The following DEFB109B variants were observed in gnomAD, a reference collection of about 807,000 sequenced individuals.
The protein encoded by DEFB109B is beta-defensin 109B.
chr8:7,315,289 C>A (rs1585314493), intron 1 of DEFB109B, among the ~76,000 whole-genome samples: 1 of 128,816 alleles, frequency 7.8e-6, no homozygotes, highest in South Asian at 2.3e-4. Context: ...AGGCCGAGGC[C>A]GGCAGATCAC....
chr8:7,319,226 T>A, intron 1 of DEFB109B: 1 of 72,122 alleles, frequency 1.4e-5, no homozygotes, highest in Admixed American at 1.9e-4. Context: ...GGCAACACAG[T>A]GAAGCCAACA....
intron 1 of DEFB109B, among the ~76,000 whole-genome samples, chr8:7,317,598 T>TGG (rs1803039595): frequency 3.1e-5 from 3 of 96,728 alleles, no homozygotes; most frequent in Non-Finnish European, 6.2e-5. Context: ...TCTTTCATTC[T>TGG]AATCACACCT....
chr8:7,318,659 CA>C, intron 1 of DEFB109B: 1 of 129,194 alleles, frequency 7.7e-6, no homozygotes, highest in East Asian at 2.0e-4. Flanking sequence ...AGAGTGAGAC[CA>C]AAATGAAGGT....
At chr8:7,309,583 C>A (rs1347640172), upstream of DEFB109B, among the ~76,000 whole-genome samples, 9 of 147,872 alleles carry the variant, frequency 6.1e-5, no homozygotes, top group Non-Finnish European at 1.0e-4. Flanking sequence ...AGATATGACC[C>A]TGCAACAGAG....
rs576243717 is a variant in DEFB109B, at chr8:7,315,676, T to G, written n.58+2773T>G. Among the ~76,000 whole-genome samples the G allele has an allele frequency of 7.2e-4, 96 of 132,834 alleles. 9 individuals are homozygous for G. Among genetic ancestry groups the G allele is most frequent in the African/African-American group, 3.5e-3 (96 of 27,270 alleles). The allele number at this position is 132,834 out of a possible 152,430, so 87.1% of individuals were successfully genotyped here. A position where few individuals can be genotyped will look rare whatever the true frequency, so the allele number is the denominator to read the frequency against. ...TGCTTGAGGTTCACTTGTTTCCTTCTTATCTCCATCAAGGGCAGCTTCCTC... is the reference window on the plus strand; with the variant it reads ...TGCTTGAGGTTCACTTGTTTCCTTCGTATCTCCATCAAGGGCAGCTTCCTC... On this transcript the variant is annotated intron_variant and non_coding_transcript_variant, in intron 1 of 1. Coordinates refer to ENST00000382656, the Ensembl canonical transcript of DEFB109B.
At chr8:7,315,753 C>G (rs1802878989) in intron 1 of DEFB109B, among the ~76,000 whole-genome samples, 1 of 142,998 alleles carries the variant, frequency 7.0e-6, no homozygotes, top group Non-Finnish European at 1.5e-5. Flanking sequence ...TGGATCCGTT[C>G]TTTTTTCAGT....
At chr8:7,315,763 T>C (rs1239381927) in intron 1 of DEFB109B, among the ~76,000 whole-genome samples, 1 of 144,012 alleles carries the variant, frequency 6.9e-6, no homozygotes, top group Non-Finnish European at 1.5e-5. Context: ...CTTTTTTCAG[T>C]AGGGCTTCAT....
In DEFB109B at chr8:7,316,870, T is replaced by C. The variant is rs1357310923; in HGVS notation, n.59-2876T>C. On this transcript the variant is annotated intron_variant and non_coding_transcript_variant, in intron 1 of 1. Coordinates refer to ENST00000382656, the Ensembl canonical transcript of DEFB109B. ...CTTGGGCATGCTGTTCTTGAACTCC[T>C]GACCTCGTGATCCACCCGCCTCGGC... 7.7e-5 allele frequency among the ~76,000 whole-genome samples: 10 copies of C among 129,698 alleles called. No individual in the cohort carries two copies. In the East Asian group the frequency reaches 1.4e-3, roughly 18 times the overall value. 85.1% of individuals were successfully genotyped at this position (129,698 alleles called of 152,430 possible).
chr8:7,310,679 A>G (rs1302242037), upstream of DEFB109B, among the ~76,000 whole-genome samples: 1 of 147,148 alleles, frequency 6.8e-6, no homozygotes. Flanking sequence ...GGCTGATCTG[A>G]AACTATACTC....
chr8:7,310,540 T>A (rs1802560897), upstream of DEFB109B, among the ~76,000 whole-genome samples: 1 of 139,188 alleles, frequency 7.2e-6, no homozygotes, highest in East Asian at 2.0e-4. Flanking sequence ...TTTTGAGCTG[T>A]CTATCCAAGA....
At chr8:7,312,004 A>C (rs1344209500), upstream of DEFB109B, among the ~76,000 whole-genome samples, 1 of 129,050 alleles carries the variant, frequency 7.7e-6, no homozygotes, top group Admixed American at 7.1e-5. Flanking sequence ...AATGGAGATA[A>C]GTGTTAAATG....
intron 1 of DEFB109B, among the ~76,000 whole-genome samples, chr8:7,316,876 C>G (rs1407880866): frequency 6.2e-5 from 8 of 129,016 alleles, no homozygotes; most frequent in Non-Finnish European, 9.2e-5. Context: ...CTCCTGACCT[C>G]GTGATCCACC....
upstream of DEFB109B, among the ~76,000 whole-genome samples, chr8:7,309,832 T>C (rs1448407510): frequency 2.8e-5 from 3 of 107,454 alleles, no homozygotes; most frequent in Admixed American, 2.0e-4. Flanking sequence ...GAATTCAGGA[T>C]TTCAAGGTTG....
At chr8:7,315,362 G>T (rs1305918288) in intron 1 of DEFB109B, among the ~76,000 whole-genome samples, 1 of 138,180 alleles carries the variant, frequency 7.2e-6, no homozygotes, top group Non-Finnish European at 1.5e-5. Flanking sequence ...AGCCGGGTGC[G>T]GTGGTACATG....
chr8:7,315,392 G>A lies in DEFB109B; in HGVS notation n.58+2489G>A, dbSNP rs1161485506. Among the ~76,000 whole-genome samples the A allele has an allele frequency of 5.8e-5, 8 of 137,904 alleles. 1 individual carries two copies. Among genetic ancestry groups the A allele is most frequent in the South Asian group, 2.1e-4 (1 of 4,700 alleles). 90.5% of individuals were successfully genotyped at this position (137,904 alleles called of 152,430 possible). Reference sequence around the variant, plus strand: ...TACATGCCTTTAGTCCCAGCTACTCGGGAGGCTGAGGCAGGACAATCACTT... The same window carrying A: ...TACATGCCTTTAGTCCCAGCTACTCAGGAGGCTGAGGCAGGACAATCACTT... On this transcript the variant is annotated intron_variant and non_coding_transcript_variant, in intron 1 of 1. Transcript: ENST00000382656.
chr8:7,312,822 C>T (rs1418213410), upstream of DEFB109B: 12 of 120,906 alleles, frequency 9.9e-5, no homozygotes, highest in African/African-American at 5.8e-4. Context: ...AGGCTCAACC[C>T]ACATTGATGC....
chr8:7,317,346 C>T (rs1803017960), intron 1 of DEFB109B, among the ~76,000 whole-genome samples: 1 of 146,644 alleles, frequency 6.8e-6, no homozygotes, highest in Non-Finnish European at 1.5e-5. Context: ...AATAGCAGAT[C>T]TTCCCAGAAG....
upstream of DEFB109B, among the ~76,000 whole-genome samples, chr8:7,310,323 G>A (rs1192509221): frequency 2.5e-5 from 1 of 39,302 alleles, no homozygotes; most frequent in Non-Finnish European, 4.2e-5. Context: ...TACATACCAG[G>A]AAGACGTCAA....
chr8:7,313,326 T>G (rs1295499093), intron 1 of DEFB109B, among the ~76,000 whole-genome samples: 1 of 143,810 alleles, frequency 7.0e-6, no homozygotes, highest in Non-Finnish European at 1.5e-5. Flanking sequence ...ATTCACTTAA[T>G]AGGTCAAAAG....
Sources: allele counts gnomAD v4.1 joint callset (sites outside exome capture counted in the v4.1 genomes callset), GRCh38; gene constraint gnomAD v4.1.1; transcripts MANE v1.5; gene names NCBI Gene and HGNC (gene_info 2026-07-23, HGNC 2026-07-21).